The following UBLCP1 variants were observed in gnomAD, a reference collection of about 807,000 sequenced individuals.
UBLCP1 encodes the protein ubiquitin-like domain-containing CTD phosphatase 1.
In UBLCP1, 28 loss-of-function variants were observed where a neutral mutation model predicts 42.4. That is an observed-to-expected ratio of 0.66 (90% confidence interval 0.49 to 0.90). The LOEUF (loss-of-function observed/expected upper bound fraction) is 0.90, where lower values mean the gene tolerates loss of function less well. UBLCP1 is among the 40% of genes least tolerant of loss of function. The probability of loss-of-function intolerance (pLI) is 0.00; values close to 1 mark genes in which losing one functional copy is unlikely to be tolerated. For missense variants in UBLCP1, 279 were observed against 374.5 expected (o/e 0.75, Z 2.10); for synonymous variants, 122 against 120.8 (o/e 1.01, Z -0.07).
Position 159,286,021 on chromosome 5 carries a change from A to AT in UBLCP1, c.*1091dup, listed in dbSNP as rs1753675486. 1.3e-5 allele frequency: 2 copies of AT among 152,864 alleles called. No individual in the cohort carries two copies. Among genetic ancestry groups the AT allele is most frequent in the African/African-American group, 4.8e-5 (2 of 41,570 alleles). 9.5% of individuals were successfully genotyped at this position (152,864 alleles called of 1,614,324 possible). Reference sequence around the variant, plus strand: ...CTAATTTCAGTGGTGTAAATAATAAATATCTTTTCTTAAAACATTCGTTAT... The same window carrying AT: ...CTAATTTCAGTGGTGTAAATAATAAATTATCTTTTCTTAAAACATTCGTTAT... On this transcript the variant is annotated 3_prime_UTR_variant, in exon 11 of 11. Transcript: ENST00000296786.
chr5:159,267,718 C>G (rs531693199), intron 1 of UBLCP1, among the ~76,000 whole-genome samples: 3 of 152,160 alleles, frequency 2.0e-5, no homozygotes, highest in Non-Finnish European at 2.9e-5. Context: ...GGTGGTCTTT[C>G]CCATGCTATT....
At chr5:159,264,491 T>G (rs1378397209) in intron 1 of UBLCP1, among the ~76,000 whole-genome samples, 1 of 152,256 alleles carries the variant, frequency 6.6e-6, no homozygotes, top group Non-Finnish European at 1.5e-5. Flanking sequence ...TTTACAATTT[T>G]TATGGTGTTT....
Position 159,283,334 on chromosome 5 carries a change from G to T in UBLCP1, c.924G>T (p.Trp308Cys). 1 of 1,578,996 alleles carries T rather than the reference G, an allele frequency of 6.3e-7. No homozygotes were observed. The highest frequency in any genetic ancestry group is 8.6e-7 in the Non-Finnish European group (1 of 1,166,976). The stretch of plus-strand genomic sequence containing the variant: ...TTTTGGATCTAAATCACAAATATTG[G>T]GAAAGGTAAGTTTTAATTGCTTATT... ...DDFLDLNHKY[W>C]ERYLSKKQGQ Residue 308 changes from tryptophan (W) to cysteine (C), a missense_variant, in exon 10 of 11, where the codon TGG becomes TGT. Physicochemically the swap from Trp to Cys is radical, Grantham distance 215. Transcript: ENST00000296786.
chr5:159,270,215 C>T (rs149118605), intron 3 of UBLCP1, 145 bp from the exon 4 acceptor site: 127 of 782,742 alleles, frequency 1.6e-4, no homozygotes, highest in African/African-American at 1.5e-3. Flanking sequence ...ACATACATAA[C>T]GAATTATTAA....
chr5:159,268,944 G>A lies in UBLCP1; in HGVS notation c.29G>A (p.Gly10Asp), dbSNP rs1264020397. MALPIIVKW[G>D]GQEYSVTTLS... ...GCTCTCCCTATCATTGTAAAATGGGGTGGACAGGAGTATTCAGTGACCACA... is the reference window on the plus strand; with the variant it reads ...GCTCTCCCTATCATTGTAAAATGGGATGGACAGGAGTATTCAGTGACCACA... The change falls in exon 2 of 11, where the codon GGT becomes GAT. Residue 10 changes from glycine to aspartate, a missense_variant. Transcript: ENST00000296786. 1 of 1,609,956 alleles carries A rather than the reference G, an allele frequency of 6.2e-7. No individual in the cohort carries two copies. The highest frequency in any genetic ancestry group is 1.3e-5 in the African/African-American group (1 of 74,750).
chr5:159,279,456 C>T (rs957218964), intron 9 of UBLCP1, among the ~76,000 whole-genome samples: 7 of 152,180 alleles, frequency 4.6e-5, no homozygotes, highest in African/African-American at 1.4e-4. Flanking sequence ...AGTCTCCATT[C>T]GAAGTGGCAG....
Position 159,271,907 on chromosome 5 carries a change from T to C in UBLCP1, c.449-116T>C, listed in dbSNP as rs10069556. 169 of 657,480 alleles carry C rather than the reference T, an allele frequency of 2.6e-4. No homozygotes were observed. In the African/African-American group the frequency reaches 2.9e-3, roughly 11 times the overall value. The allele number at this position is 657,480 out of a possible 1,614,324, so 40.7% of individuals were successfully genotyped here. On this transcript the variant is annotated intron_variant, in intron 5 of 10. Coordinates refer to ENST00000296786, the MANE Select transcript of UBLCP1 (RefSeq NM_145049.5). ...CCAACGTAATTCAGTCTGAAGCAGT[T>C]TGCAATGAAATGTTTATGTTTGCAT...
intron 9 of UBLCP1, among the ~76,000 whole-genome samples, chr5:159,281,668 A>G (rs1060642): frequency 0.02 from 3,100 of 152,220 alleles, 69 homozygotes; most frequent in Non-Finnish European, 0.032. Flanking sequence ...TCTTCTGTCC[A>G]TTTCAGATGG....
chr5:159,270,752 G>A, intron 5 of UBLCP1, 109 bp downstream of exon 5: 1 of 639,350 alleles, frequency 1.6e-6, no homozygotes, highest in Non-Finnish European at 2.4e-6. Context: ...TGAAATACTT[G>A]AAAACTTTTC....
chr5:159,273,666 A>AT (rs1295908785), intron 6 of UBLCP1, among the ~76,000 whole-genome samples: 1 of 152,034 alleles, frequency 6.6e-6, no homozygotes, highest in Non-Finnish European at 1.5e-5. Flanking sequence ...CCGGATTAAA[A>AT]TTTTTTTCTA....
At chr5:159,267,719 C>A (rs1272624145) in intron 1 of UBLCP1, among the ~76,000 whole-genome samples, 1 of 152,158 alleles carries the variant, frequency 6.6e-6, no homozygotes, top group East Asian at 1.9e-4. Context: ...GTGGTCTTTC[C>A]CATGCTATTC....
chr5:159,284,040 G>A (rs1753640906), intron 10 of UBLCP1, among the ~76,000 whole-genome samples: 1 of 152,108 alleles, frequency 6.6e-6, no homozygotes, highest in South Asian at 2.1e-4. Context: ...AGCACCAAAA[G>A]AAACTATTTG....
chr5:159,282,707 G>A (rs1465566600), intron 9 of UBLCP1, among the ~76,000 whole-genome samples: 1 of 152,002 alleles, frequency 6.6e-6, no homozygotes, highest in Non-Finnish European at 1.5e-5. Context: ...AAAGAAAAAT[G>A]CTTATGATAA....
Position 159,283,245 on chromosome 5 carries a change from G to C in UBLCP1, c.835G>C (p.Asp279His), listed in dbSNP as rs1394906029. 6.2e-7 allele frequency: 1 copy of C among 1,606,994 alleles called. No homozygotes were observed. The highest frequency in any genetic ancestry group is 1.7e-5 in the Admixed American group (1 of 58,808). The part of the protein sequence containing the change: ...RPFMKAHLNR[D>H]KDKELLKLTQ... ...TTTTATGAAAGCGCACCTAAATCGT[G>C]ATAAAGACAAAGAACTTTTAAAATT... Residue 279 changes from aspartate to histidine, a missense_variant, in exon 10 of 11, where the codon GAT (aspartate) becomes CAT (histidine). Asp to His is a moderately conservative substitution (Grantham distance 81). Coordinates refer to ENST00000296786, the MANE Select transcript of UBLCP1 (RefSeq NM_145049.5).
At chr5:159,283,914 C>G (rs1263301826) in intron 10 of UBLCP1, among the ~76,000 whole-genome samples, 1 of 151,952 alleles carries the variant, frequency 6.6e-6, no homozygotes, top group African/African-American at 2.4e-5. Context: ...TAGACGTTGC[C>G]TATAAACATC....
rs1753459285 is a variant in UBLCP1, at chr5:159,271,002, T to A, written c.448+359T>A. 2.6e-5 allele frequency among the ~76,000 whole-genome samples: 4 copies of A among 151,976 alleles called. No individual in the cohort carries two copies. The South Asian group carries it at 8.3e-4, about 31-fold the overall frequency. On this transcript the variant is annotated intron_variant, in intron 5 of 10. Transcript: ENST00000296786. ...TGTGTGTGTATATATATTTTTTTAT[T>A]TTTTTGGCCAGAAAGTATTCTAGTT...
rs986676985 is a variant in UBLCP1 at position 159,272,485 on chromosome 5, C to T, written c.547+364C>T. 1.1e-4 allele frequency among the ~76,000 whole-genome samples: 16 copies of T among 151,918 alleles called. No homozygotes were observed. The South Asian group carries it at 1.5e-3, about 14-fold the overall frequency. ...CCCAGACTGGTTTTGAACTCCTGGG[C>T]TCAAGTGATCCTCCTGCCTTGGCCT... On this transcript the variant is annotated intron_variant, in intron 6 of 10. Coordinates refer to ENST00000296786, the MANE Select transcript of UBLCP1 (RefSeq NM_145049.5).
intron 8 of UBLCP1, among the ~76,000 whole-genome samples, chr5:159,276,161 G>A (rs571039532): frequency 6.6e-6 from 1 of 152,272 alleles, no homozygotes; most frequent in South Asian, 2.1e-4. Context: ...GATAATGCAT[G>A]CCTGTAATCC....
At chr5:159,266,374 G>A (rs1008411909) in intron 1 of UBLCP1, among the ~76,000 whole-genome samples, 3 of 152,158 alleles carry the variant, frequency 2.0e-5, no homozygotes, top group African/African-American at 7.2e-5. Flanking sequence ...GATGATTTAG[G>A]GTATCTGGCA....
Sources: gnomAD v4.1 joint callset for allele counts (sites outside exome capture counted in the v4.1 genomes callset) on GRCh38, gnomAD v4.1.1 for gene constraint, MANE v1.5 for transcripts, NCBI Gene and HGNC (gene_info 2026-07-23, HGNC 2026-07-21) for gene names.